CELSR1: variants seen among roughly 807,000 people sequenced by gnomAD.
CELSR1 encodes the protein cadherin EGF LAG seven-pass G-type receptor 1.
CELSR1 carries 110 observed loss-of-function variants against 249.1 expected under a neutral mutation model. That is an observed-to-expected ratio of 0.44 (90% confidence interval 0.38 to 0.52). CELSR1 has a LOEUF of 0.52. CELSR1 is among the 20% of genes least tolerant of loss of function. CELSR1 has a pLI of 0.00. For missense variants in CELSR1, 4,109 were observed against 4,296.4 expected (o/e 0.96, Z 1.22); for synonymous variants, 2,113 against 1,900.0 (o/e 1.11, Z -2.92).
In CELSR1 at chr22:46,536,352, G is replaced by A. The variant is rs1198375918; in HGVS notation, c.819C>T (p.Ile273=). 4 of 1,612,528 alleles carry A rather than the reference G, an allele frequency of 2.5e-6. No homozygotes were observed. Among genetic ancestry groups the A allele is most frequent in the South Asian group, 1.1e-5 (1 of 91,088 alleles). Residue 273 remains isoleucine, a synonymous_variant, in exon 1 of 35, where the codon ATC becomes ATT. Transcript: ENST00000674500. ...AGCTCACGCGCTCCTCCTCGCCCTC[G>A]ATGGTGTAGTGCGCGTGCAGCTGGA... ...LILQLHAHYT[I]EGEEERVSYY...
Position 46,411,840 on chromosome 22 carries a change from G to A in CELSR1, c.4612-81C>T, listed in dbSNP as rs772836792. On this transcript the variant is annotated intron_variant, in intron 5 of 34. Transcript: ENST00000674500. The surrounding 1 kb of genome is among the most constrained non-coding windows in gnomAD (Gnocchi z 4.2). The stretch of plus-strand genomic sequence containing the variant: ...CAGGCGCACCTGTCACTCATAGAGC[G>A]AGGAGGACATGGCACAGGGTGGGCG... 1.1e-4 allele frequency: 172 copies of A among 1,571,716 alleles called. No homozygotes were observed. The highest frequency in any genetic ancestry group is 2.4e-4 in the Admixed American group (14 of 59,534).
chr22:46,450,651 G>A (rs762078448), intron 2 of CELSR1, among the ~76,000 whole-genome samples: 12 of 152,228 alleles, frequency 7.9e-5, no homozygotes, highest in Admixed American at 2.6e-4. Context: ...TCCAGTGAAT[G>A]AGTGCACCTC....
In CELSR1 at chr22:46,396,767, T is replaced by A; in HGVS notation, c.5702-21A>T. ...GTACCCTGCAAGGACAGAGCCAGCA[T>A]TACCTCCACCCACAATCCACGAGAC... On this transcript the variant is annotated intron_variant, in intron 12 of 34. Coordinates refer to ENST00000674500, the MANE Select transcript of CELSR1 (RefSeq NM_001378328.1). This position sits in a 1 kb window ranked among gnomAD's most constrained non-coding sequence, Gnocchi z 6.4. 4.4e-6 allele frequency: 7 copies of A among 1,608,388 alleles called. No individual in the cohort carries two copies. Among genetic ancestry groups the A allele is most frequent in the Non-Finnish European group, 5.1e-6 (6 of 1,177,506 alleles).
chr22:46,507,696 C>A (rs2080528735), intron 1 of CELSR1, among the ~76,000 whole-genome samples: 1 of 152,166 alleles, frequency 6.6e-6, no homozygotes, highest in Admixed American at 6.5e-5. Context: ...CTCTCCCATC[C>A]CTGAAACTTG....
In CELSR1 at chr22:46,480,748, C is replaced by T. The variant is rs1602194904; in HGVS notation, c.3545-16403G>A. Among the ~76,000 whole-genome samples, 4 of 152,286 alleles carry T rather than the reference C, an allele frequency of 2.6e-5. No homozygotes were observed. In the Middle Eastern group the frequency reaches 0.014, roughly 518 times the overall value. On this transcript the variant is annotated intron_variant, in intron 1 of 34. Coordinates refer to ENST00000674500, the MANE Select transcript of CELSR1 (RefSeq NM_001378328.1). ...CTTGTTACAGGGGAGATCCTTACTG[C>T]CAGGACAAGCACTGGCCACAGGAAA... is the stretch of plus-strand genomic sequence containing the variant.
chr22:46,365,430 G>T, intron 31 of CELSR1, 50 bp from the exon 32 acceptor site: 1 of 1,600,804 alleles, frequency 6.2e-7, no homozygotes. Context: ...AGGTGAGGGA[G>T]TCCCACCGAG....
chr22:46,378,660 C>A lies in CELSR1; in HGVS notation c.7314G>T (p.Arg2438=). ...GGCTGCACTGGCAGGCGACATGTGT[C>A]CGGTTCCTGGACAGGAGCTCGCAGC... The part of the protein sequence containing the change: ...ARGCELLSRN[R]THVACQCSHT... The change falls in exon 23 of 35, where the codon CGG becomes CGT. Residue 2438 remains arginine (R), a synonymous_variant. Transcript: ENST00000674500. 1 of 1,610,304 alleles carries A rather than the reference C, an allele frequency of 6.2e-7. No individual in the cohort carries two copies. The highest frequency in any genetic ancestry group is 8.5e-7 in the Non-Finnish European group (1 of 1,179,186).
intron 1 of CELSR1, among the ~76,000 whole-genome samples, chr22:46,529,215 G>A (rs5768902): frequency 0.68 from 101,937 of 150,834 alleles, 35,839 homozygotes; most frequent in African/African-American, 0.88. Flanking sequence ...GCAGTGAGCC[G>A]AGATGGTGCC....
Position 46,515,372 on chromosome 22 carries a change from A to T in CELSR1, c.3544+18255T>A, listed in dbSNP as rs546747157. ...GCTAGCTTGTGAGTGGATGCTCCCA[A>T]GTCACATGACCCCCAGGTAGGAAGG... is the stretch of plus-strand genomic sequence containing the variant. On this transcript the variant is annotated intron_variant, in intron 1 of 34. Transcript: ENST00000674500. Among the ~76,000 whole-genome samples the T allele has an allele frequency of 3.3e-5, 5 of 152,352 alleles. No individual in the cohort carries two copies. The South Asian group carries it at 1.0e-3, about 32-fold the overall frequency.
At chr22:46,368,595 G>A (rs184580195) in intron 27 of CELSR1, among the ~76,000 whole-genome samples, 3 of 150,416 alleles carry the variant, frequency 2.0e-5, no homozygotes, top group Admixed American at 2.0e-4. Context: ...AGGTCACCAG[G>A]GGCTGGCCTT....
chr22:46,426,343 G>A (rs532033916), intron 5 of CELSR1, among the ~76,000 whole-genome samples: 4 of 152,290 alleles, frequency 2.6e-5, no homozygotes, highest in East Asian at 1.9e-4. Flanking sequence ...GAGGCTGAGC[G>A]CCTTGTAAAC....
chr22:46,373,048 T>G lies in CELSR1; in HGVS notation c.7594A>C (p.Thr2532Pro). The G allele has an allele frequency of 6.2e-7, 1 of 1,606,832 alleles. No individual in the cohort carries two copies. The highest frequency in any genetic ancestry group is 8.5e-7 in the Non-Finnish European group (1 of 1,176,528). Residue 2532 changes from threonine to proline, a missense_variant, in exon 25 of 35, where the codon ACA becomes CCA. By Grantham distance (38) the Thr-to-Pro change is conservative (BLOSUM62 -1). Transcript: ENST00000674500. ...TAGTGGAGGAGGATGGCAACCACTGTGCACAGAAACTGCGCAGGGAGGGGC... is the reference window on the plus strand; with the variant it reads ...TAGTGGAGGAGGATGGCAACCACTGGGCACAGAAACTGCGCAGGGAGGGGC... ...INQTENPFLC[T>P]VVAILLHYIY...
chr22:46,363,979 A>T lies in CELSR1; in HGVS notation c.9035+17T>A. Reference sequence around the variant, plus strand: ...GGGAAGTGGGTGATCCCCGCCCTGGAGGCCCAGGCTACTCACTCAGAGTCG... The same window carrying T: ...GGGAAGTGGGTGATCCCCGCCCTGGTGGCCCAGGCTACTCACTCAGAGTCG... On this transcript the variant is annotated intron_variant, in intron 34 of 34. Coordinates refer to ENST00000674500, the MANE Select transcript of CELSR1 (RefSeq NM_001378328.1). This position sits in a 1 kb window ranked among gnomAD's most constrained non-coding sequence, Gnocchi z 4.3. The T allele has an allele frequency of 1.3e-6, 2 of 1,575,592 alleles. No homozygotes were observed. The highest frequency in any genetic ancestry group is 1.1e-5 in the South Asian group (1 of 87,772).
At position 46,440,778 on chromosome 22, in the gene CELSR1, G is replaced by C. The variant is rs564472154; in HGVS notation, c.4184-1367C>G. 2.6e-5 allele frequency among the ~76,000 whole-genome samples: 4 copies of C among 152,050 alleles called. No homozygotes were observed. Among genetic ancestry groups the C allele is most frequent in the African/African-American group, 9.7e-5 (4 of 41,412 alleles). ...TAACATTAGGTTTTATGTATTTGTA[G>C]CCCCACAGAAATTTTTTGTCTGTAT... On this transcript the variant is annotated intron_variant, in intron 2 of 34. Transcript: ENST00000674500. This position sits in a 1 kb window ranked among gnomAD's most constrained non-coding sequence, Gnocchi z 4.7.
chr22:46,397,919 A>G, intron 11 of CELSR1, 71 bp from the exon 12 acceptor site: 1 of 1,275,118 alleles, frequency 7.8e-7, no homozygotes. Flanking sequence ...GAACCCTGAG[A>G]CCTCTCTGGT....
In CELSR1 at chr22:46,472,229, G is replaced by A. The variant is rs2080163084; in HGVS notation, c.3545-7884C>T. Among the ~76,000 whole-genome samples, 1 of 152,196 alleles carries A rather than the reference G, an allele frequency of 6.6e-6. No individual in the cohort carries two copies. Among genetic ancestry groups the A allele is most frequent in the Non-Finnish European group, 1.5e-5 (1 of 68,032 alleles). On this transcript the variant is annotated intron_variant, in intron 1 of 34. Transcript: ENST00000674500. This position sits in a 1 kb window ranked among gnomAD's most constrained non-coding sequence, Gnocchi z 7.0. ...GCTGTACAAACGTGAACCACATCAT[G>A]GGAAGGAACTTTCTGGGTCTTCATG...
At position 46,411,227 on chromosome 22, in the gene CELSR1, CAT is replaced by C. The variant is rs2079330842; in HGVS notation, c.4769+373_4769+374del. Among the ~76,000 whole-genome samples the C allele has an allele frequency of 6.6e-6, 1 of 152,172 alleles. No homozygotes were observed. Among genetic ancestry groups the C allele is most frequent in the Non-Finnish European group, 1.5e-5 (1 of 67,994 alleles). On this transcript the variant is annotated intron_variant, in intron 6 of 34. Coordinates refer to ENST00000674500, the MANE Select transcript of CELSR1 (RefSeq NM_001378328.1). This position sits in a 1 kb window ranked among gnomAD's most constrained non-coding sequence, Gnocchi z 4.2. ...AAAAAACAAAACAACAACAAAAAAA[CAT>C]AAGCCTCTGGGACCAGCTGGCTGAC...
intron 5 of CELSR1, among the ~76,000 whole-genome samples, chr22:46,432,954 T>G (rs890946507): frequency 6.6e-6 from 1 of 152,218 alleles, no homozygotes; most frequent in African/African-American, 2.4e-5. Flanking sequence ...TAAACCATTT[T>G]TTCCAATAGC....
At chr22:46,403,767 G>A (rs2147299262) in intron 9 of CELSR1, among the ~76,000 whole-genome samples, 1 of 151,998 alleles carries the variant, frequency 6.6e-6, no homozygotes. Context: ...GAGGTCAGGG[G>A]ATCGAGACCA....
Sources: gnomAD v4.1 joint callset for allele counts (sites outside exome capture counted in the v4.1 genomes callset) on GRCh38, gnomAD v4.1.1 for gene constraint, Gnocchi (gnomAD v3.1) non-coding constraint, MANE v1.5 for transcripts, NCBI Gene and HGNC (gene_info 2026-07-23, HGNC 2026-07-21) for gene names.